The following MAP1B variants were observed in gnomAD, a reference collection of about 807,000 sequenced individuals.
The protein encoded by MAP1B is microtubule associated protein 1B.
Under a neutral mutation model 176.1 loss-of-function variants are expected in MAP1B, and 12 were observed. The ratio of observed to expected loss-of-function variants is 0.07; its 90% CI spans 0.04 to 0.11. The LOEUF is 0.11. MAP1B is among the 10% of genes least tolerant of loss of function. The pLI is 1.00. For missense variants in MAP1B, 2,523 were observed against 2,990.5 expected (o/e 0.84, Z 3.65); for synonymous variants, 1,044 against 1,135.0 (o/e 0.92, Z 1.61).
intron 2 of MAP1B, among the ~76,000 whole-genome samples, chr5:72,182,799 C>A (rs967948985): frequency 6.6e-6 from 1 of 152,190 alleles, no homozygotes; most frequent in Non-Finnish European, 1.5e-5. Flanking sequence ...CCCAACCATG[C>A]GTCTCCCTCC....
chr5:72,196,971 A>G lies in MAP1B; in HGVS notation c.3616A>G (p.Thr1206Ala). The G allele has an allele frequency of 6.2e-7, 1 of 1,614,190 alleles. No individual in the cohort carries two copies. ...CAAGGATTACAATGCTTCAGCCTCT[A>G]CCATATCACCACCCTCTTCCATGGA... ...DGKDYNASAS[T>A]ISPPSSMEED... The change falls in exon 5 of 7, where the codon ACC becomes GCC. Residue 1206 changes from threonine to alanine, a missense_variant. Around this residue, in one of 4 missense-constraint regions of MAP1B, gnomAD observed 1,925 missense variants for 2,126.0 expected, o/e 0.91. Transcript: ENST00000296755. The surrounding 1 kb of genome is among the most constrained non-coding windows in gnomAD (Gnocchi z 5.3).
Position 72,198,852 on chromosome 5 carries a change from C to T in MAP1B, c.5497C>T (p.Arg1833Cys), listed in dbSNP as rs1219261447. The T allele has an allele frequency of 1.3e-5, 21 of 1,614,218 alleles. No individual in the cohort carries two copies. Among genetic ancestry groups the T allele is most frequent in the Non-Finnish European group, 1.7e-5 (20 of 1,180,040 alleles). The change falls in exon 5 of 7, where the codon CGT becomes TGT. Residue 1833 changes from arginine to cysteine, a missense_variant. Coordinates refer to ENST00000296755, the MANE Select transcript of MAP1B (RefSeq NM_005909.5). Reference sequence around the variant, plus strand: ...AGCATCCGCAGAGCCCTATGGCTTCCGTGCCTCAGTGTTATTCGATACAAT... The same window carrying T: ...AGCATCCGCAGAGCCCTATGGCTTCTGTGCCTCAGTGTTATTCGATACAAT... ...DAASAEPYGF[R>C]ASVLFDTMQH...
chr5:72,108,851 T>G (rs1745216128), intron 1 of MAP1B, among the ~76,000 whole-genome samples: 2 of 152,154 alleles, frequency 1.3e-5, no homozygotes, highest in Admixed American at 1.3e-4. Context: ...CCTTTATCCC[T>G]GGCGTCCCGG....
chr5:72,161,956 C>CAAAAAAA (rs4043357), intron 2 of MAP1B, among the ~76,000 whole-genome samples: 7 of 84,948 alleles, frequency 8.2e-5, no homozygotes, highest in Admixed American at 1.4e-4. Context: ...AATTCCGTCT[C>CAAAAAAA]AAAAAAAAAA....
At chr5:72,134,529 T>G in intron 2 of MAP1B, among the ~76,000 whole-genome samples, 1 of 152,170 alleles carries the variant, frequency 6.6e-6, no homozygotes, top group East Asian at 1.9e-4. Context: ...AAGAATTTGG[T>G]TTTGCTTCAT....
intron 4 of MAP1B, among the ~76,000 whole-genome samples, chr5:72,191,253 T>G (rs373813108): frequency 5.9e-5 from 9 of 152,274 alleles, no homozygotes; most frequent in African/African-American, 2.2e-4. Context: ...ATGTTTAGAG[T>G]AGTGGGTTAT....
chr5:72,115,252 G>A (rs1382119828), intron 1 of MAP1B, among the ~76,000 whole-genome samples: 5 of 152,158 alleles, frequency 3.3e-5, no homozygotes, highest in Non-Finnish European at 5.9e-5. Flanking sequence ...TTGAATGGCA[G>A]CCCCCGTGTA....
At chr5:72,130,435 T>C (rs931314711) in intron 2 of MAP1B, among the ~76,000 whole-genome samples, 2 of 152,218 alleles carry the variant, frequency 1.3e-5, no homozygotes, top group African/African-American at 2.4e-5. Flanking sequence ...TGTATGACAA[T>C]GAATGATGAG....
At chr5:72,107,750 G>A (rs1291668498) in intron 1 of MAP1B, 35 bp downstream of exon 1, 1 of 1,594,168 alleles carries the variant, frequency 6.3e-7, no homozygotes, top group South Asian at 1.1e-5. Context: ...ACGCGCGCTG[G>A]GAGACGCGCA....
At chr5:72,170,010 C>T (rs1041418258) in intron 2 of MAP1B, among the ~76,000 whole-genome samples, 2 of 152,164 alleles carry the variant, frequency 1.3e-5, no homozygotes, top group Non-Finnish European at 2.9e-5. Flanking sequence ...TTATTTAAAA[C>T]AACCTTCAAG....
At position 72,183,789 on chromosome 5, in the gene MAP1B, C is replaced by A. The variant is rs201475831; in HGVS notation, c.333C>A (p.Val111=). The change falls in exon 3 of 7, where the codon GTC becomes GTA. Residue 111 remains valine (V), a synonymous_variant. Transcript: ENST00000296755. The part of the protein sequence containing the change: ...HHRSDVLETV[V]LINPSDEAVS... ...GAAGTGACGTTTTAGAAACAGTGGT[C>A]CTGATCAACCCTTCTGATGAAGCAG... is the stretch of plus-strand genomic sequence containing the variant. The A allele has an allele frequency of 4.3e-6, 7 of 1,614,094 alleles. No individual in the cohort carries two copies. Among genetic ancestry groups the A allele is most frequent in the Non-Finnish European group, 5.9e-6 (7 of 1,179,982 alleles).
chr5:72,115,284 A>G (rs1314754500), intron 1 of MAP1B, among the ~76,000 whole-genome samples: 1 of 152,086 alleles, frequency 6.6e-6, no homozygotes. Context: ...TTTATTCTAC[A>G]TTTTCTTGCC....
rs1219824684 is a variant in MAP1B at position 72,208,151 on chromosome 5, C to T, written c.*2912C>T. The T allele has an allele frequency of 6.6e-6, 1 of 152,138 alleles. No homozygotes were observed. Among genetic ancestry groups the T allele is most frequent in the African/African-American group, 2.4e-5 (1 of 41,418 alleles). The allele number at this position is 152,138 out of a possible 1,614,324, so 9.4% of individuals were successfully genotyped here. The stretch of plus-strand genomic sequence containing the variant: ...CGCATTACAGGTTGCTCCTGTCCTT[C>T]CAGACACCTTTCCTGCCTGTGTGAC... On this transcript the variant is annotated 3_prime_UTR_variant, in exon 7 of 7. Coordinates refer to ENST00000296755, the MANE Select transcript of MAP1B (RefSeq NM_005909.5).
At chr5:72,203,264 G>A (rs183489580) in intron 5 of MAP1B, among the ~76,000 whole-genome samples, 9 of 152,236 alleles carry the variant, frequency 5.9e-5, no homozygotes, top group African/African-American at 2.2e-4. Context: ...GTGCCATCTT[G>A]GGAAAGGCCT....
At chr5:72,173,054 G>A (rs544488140) in intron 2 of MAP1B, among the ~76,000 whole-genome samples, 12 of 152,286 alleles carry the variant, frequency 7.9e-5, no homozygotes, top group African/African-American at 1.9e-4. Flanking sequence ...CAGACCGTTG[G>A]GCTGTTGCTC....
intron 5 of MAP1B, among the ~76,000 whole-genome samples, chr5:72,203,124 GCACTAAGAT>G (rs777117214): frequency 5.3e-5 from 8 of 152,196 alleles, no homozygotes; most frequent in Non-Finnish European, 7.3e-5. Context: ...CTAAAATAGA[GCACTAAGAT>G]CACTTAGCTA....
intron 2 of MAP1B, among the ~76,000 whole-genome samples, chr5:72,129,130 A>G (rs1745680460): frequency 1.3e-5 from 2 of 152,230 alleles, no homozygotes; most frequent in Non-Finnish European, 2.9e-5. Context: ...TCCTAGGAAG[A>G]GACAAGGTTG....
intron 2 of MAP1B, among the ~76,000 whole-genome samples, chr5:72,165,161 CT>C (rs1746401383): frequency 6.6e-6 from 1 of 152,106 alleles, no homozygotes; most frequent in African/African-American, 2.4e-5. Flanking sequence ...TCTTGGTCCC[CT>C]GGTCAAAATA....
At position 72,204,796 on chromosome 5, in the gene MAP1B, T is replaced by C. The variant is rs1408439549; in HGVS notation, c.7252-288T>C. On this transcript the variant is annotated intron_variant, in intron 6 of 6. Coordinates refer to ENST00000296755, the MANE Select transcript of MAP1B (RefSeq NM_005909.5). This position sits in a 1 kb window ranked among gnomAD's most constrained non-coding sequence, Gnocchi z 4.4. ...GTGTTAAAGGAAATACAAAAAATTG[T>C]ACCCTAACGGAAGCACTTCTCTTAA... 6.6e-6 allele frequency among the ~76,000 whole-genome samples: 1 copy of C among 152,244 alleles called. No individual in the cohort carries two copies. Among genetic ancestry groups the C allele is most frequent in the Non-Finnish European group, 1.5e-5 (1 of 68,050 alleles).
Sources: gnomAD v4.1 joint callset for allele counts (sites outside exome capture counted in the v4.1 genomes callset) on GRCh38, gnomAD v4.1.1 for gene constraint, gnomAD v4.1.1 regional missense constraint, Gnocchi (gnomAD v3.1) non-coding constraint, MANE v1.5 for transcripts, NCBI Gene and HGNC (gene_info 2026-07-23, HGNC 2026-07-21) for gene names.